Variants in NREP observed in about 807,000 individuals in gnomAD.
NREP encodes neuronal regeneration-related protein.
NREP carries 5 observed loss-of-function variants against 8.6 expected under a neutral mutation model. That is an observed-to-expected ratio of 0.58 (90% confidence interval 0.30 to 1.22). The LOEUF is 1.22. Ranked by LOEUF, NREP falls within the 50% of genes most tolerant of loss-of-function variation. NREP has a pLI of 0.07. For synonymous variants in NREP, 27 were observed against 28.0 expected, an observed-to-expected ratio of 0.96 and a Z score of 0.11; for missense variants, 86 against 82.5, an observed-to-expected ratio of 1.04 and a Z score of -0.17.
intron 2 of NREP, among the ~76,000 whole-genome samples, chr5:111,973,044 T>G (rs1756865268): frequency 6.6e-6 from 1 of 152,204 alleles, no homozygotes; most frequent in Non-Finnish European, 1.5e-5. Context: ...AAACTGGCCC[T>G]GCTGGAAAGA....
intron 2 of NREP, among the ~76,000 whole-genome samples, chr5:111,922,651 C>G (rs1228871470): frequency 1.3e-5 from 2 of 152,162 alleles, no homozygotes; most frequent in Non-Finnish European, 2.9e-5. Context: ...AGGTTCTCCT[C>G]TGAGAATAAT....
At chr5:111,925,620 C>G (rs1201338652) in intron 2 of NREP, among the ~76,000 whole-genome samples, 2 of 152,156 alleles carry the variant, frequency 1.3e-5, no homozygotes, top group Admixed American at 1.3e-4. Flanking sequence ...TACTTTAGGA[C>G]TAGCTGTCCT....
intron 2 of NREP, among the ~76,000 whole-genome samples, chr5:111,915,624 T>C (rs1181387965): frequency 6.6e-6 from 1 of 152,086 alleles, no homozygotes; most frequent in Non-Finnish European, 1.5e-5. Context: ...CATTTTGGCA[T>C]GGTTTTCAAA....
intron 2 of NREP, among the ~76,000 whole-genome samples, chr5:111,893,931 T>C (rs571587307): frequency 5.3e-5 from 8 of 152,024 alleles, no homozygotes; most frequent in Admixed American, 1.3e-4. Flanking sequence ...TTAATAATAA[T>C]AACAGGCCGG....
At chr5:111,894,065 A>C (rs1754453216) in intron 2 of NREP, among the ~76,000 whole-genome samples, 1 of 151,900 alleles carries the variant, frequency 6.6e-6, no homozygotes. Flanking sequence ...TAAAAATATA[A>C]AAAATTAGCC....
intron 2 of NREP, among the ~76,000 whole-genome samples, chr5:111,890,167 C>G (rs985184183): frequency 2.0e-5 from 3 of 152,172 alleles, no homozygotes; most frequent in African/African-American, 7.2e-5. Context: ...AAGTAAGGGG[C>G]TACAGGCCTC....
intron 2 of NREP, among the ~76,000 whole-genome samples, chr5:111,847,185 A>G (rs1023323400): frequency 4.6e-5 from 7 of 152,002 alleles, no homozygotes; most frequent in Non-Finnish European, 8.8e-5. Context: ...TTGTTTAAAC[A>G]GCAAATGTTT....
chr5:111,942,680 CT>C (rs1755862050), intron 2 of NREP, among the ~76,000 whole-genome samples: 1 of 151,856 alleles, frequency 6.6e-6, no homozygotes, highest in African/African-American at 2.4e-5. Flanking sequence ...CTAAAAAACC[CT>C]TGAAAATAGA....
chr5:111,974,582 A>G (rs1001702550), intron 2 of NREP: 3 of 152,212 alleles, frequency 2.0e-5, no homozygotes, highest in African/African-American at 7.2e-5. Context: ...TATGACATTA[A>G]TTAAGTTAGC....
At chr5:111,742,251 G>A (rs79459684) in intron 2 of NREP, among the ~76,000 whole-genome samples, 2,210 of 152,218 alleles carry the variant, frequency 0.015, 25 homozygotes, top group Non-Finnish European at 0.023. Context: ...TTATGAGTTG[G>A]GGTGTCTGAA....
chr5:111,832,636 G>A (rs1752800237), intron 2 of NREP, among the ~76,000 whole-genome samples: 1 of 152,126 alleles, frequency 6.6e-6, no homozygotes, highest in Admixed American at 6.6e-5. Context: ...TAACTTCTGT[G>A]TCTGTCATTC....
chr5:111,815,874 C>G (rs7706739), intron 2 of NREP, among the ~76,000 whole-genome samples: 14,648 of 152,074 alleles, frequency 0.096, 1,729 homozygotes, highest in African/African-American at 0.27. Context: ...ATCCAAGACA[C>G]CACACGTAAG....
chr5:111,975,335 G>C, exon 2 of NREP: 3 of 1,551,648 alleles, frequency 1.9e-6, no homozygotes, highest in African/African-American at 1.4e-5. Flanking sequence ...GACTCTGTCT[G>C]TCATCCTGCT....
At chr5:111,843,150 C>G (rs758312883) in intron 2 of NREP, among the ~76,000 whole-genome samples, 6 of 152,102 alleles carry the variant, frequency 3.9e-5, no homozygotes, top group African/African-American at 7.2e-5. Flanking sequence ...TTATTTCTCT[C>G]TGCTCCTTTT....
intron 2 of NREP, among the ~76,000 whole-genome samples, chr5:111,872,875 A>C (rs555266498): frequency 6.6e-6 from 1 of 152,178 alleles, no homozygotes; most frequent in African/African-American, 2.4e-5. Context: ...ATTAGCTACC[A>C]AAAGAACATA....
intron 2 of NREP, among the ~76,000 whole-genome samples, chr5:111,890,408 C>T (rs1287564612): frequency 2.0e-5 from 3 of 152,206 alleles, no homozygotes; most frequent in Non-Finnish European, 4.4e-5. Flanking sequence ...GCCAGTGGAT[C>T]TACCATTCTG....
chr5:111,884,094 A>C (rs1455702394), intron 2 of NREP, among the ~76,000 whole-genome samples: 1 of 152,226 alleles, frequency 6.6e-6, no homozygotes, highest in Non-Finnish European at 1.5e-5. Flanking sequence ...AATAAAGAAG[A>C]AAAGAGAGAA....
intron 2 of NREP, among the ~76,000 whole-genome samples, chr5:111,791,488 T>C (rs1484269145): frequency 1.3e-5 from 2 of 152,144 alleles, no homozygotes; most frequent in Admixed American, 1.3e-4. Context: ...CTTTTTTTGT[T>C]TGTTTTTTGA....
At chr5:111,787,515 G>C (rs993203925) in intron 2 of NREP, among the ~76,000 whole-genome samples, 1 of 151,694 alleles carries the variant, frequency 6.6e-6, no homozygotes, top group African/African-American at 2.4e-5. Flanking sequence ...TAATGGATGA[G>C]AGTTGGAGAT....
Sources: gnomAD v4.1 joint callset for allele counts (sites outside exome capture counted in the v4.1 genomes callset) on GRCh38, gnomAD v4.1.1 for gene constraint, MANE v1.5 for transcripts, NCBI Gene and HGNC (gene_info 2026-07-23, HGNC 2026-07-21) for gene names.